ATP11B: variants seen among roughly 807,000 people sequenced by gnomAD.
ATP11B encodes ATPase phospholipid transporting 11B (putative), also known as phospholipid-transporting ATPase IF.
A neutral mutation model predicts 157.8 loss-of-function variants in ATP11B; 81 were observed. That is an observed-to-expected ratio of 0.51 (90% CI 0.43 to 0.62). The LOEUF is 0.62. Ranked by LOEUF, ATP11B falls within the 20% of genes least tolerant of loss-of-function variation. The pLI is 0.00. For synonymous variants in ATP11B, 451 were observed against 469.4 expected (o/e 0.96, Z 0.51); for missense variants, 1,165 against 1,402.2 (o/e 0.83, Z 2.70).
chr3:182,848,272 C>T (rs889704232), intron 9 of ATP11B, among the ~76,000 whole-genome samples: 2 of 152,194 alleles, frequency 1.3e-5, no homozygotes, highest in South Asian at 2.1e-4. Context: ...TCCATGCCCT[C>T]CCCCATTTAG....
intron 29 of ATP11B, 83 bp downstream of exon 29, chr3:182,914,077 T>C (rs1360744390): frequency 2.6e-6 from 4 of 1,566,384 alleles, no homozygotes; most frequent in Non-Finnish European, 3.5e-6. Flanking sequence ...AGATACCTAA[T>C]AAATCAGCAG....
chr3:182,848,399 A>G (rs1719705751), intron 9 of ATP11B, 77 bp from the exon 10 acceptor site: 1 of 862,334 alleles, frequency 1.2e-6, no homozygotes, highest in Non-Finnish European at 1.7e-6. Flanking sequence ...AAAAGCTTTC[A>G]TGCTGGTAAA....
chr3:182,845,417 A>T, intron 8 of ATP11B, 41 bp from the exon 9 acceptor site: 2 of 1,516,712 alleles, frequency 1.3e-6, no homozygotes, highest in Non-Finnish European at 1.8e-6. Context: ...AAGAGTTTTT[A>T]ATATATTCAG....
chr3:182,864,748 A>G (rs944966829), intron 12 of ATP11B, among the ~76,000 whole-genome samples: 3 of 152,022 alleles, frequency 2.0e-5, no homozygotes, highest in African/African-American at 7.2e-5. Flanking sequence ...TCAAGTCATT[A>G]TTGCAGTAAT....
At chr3:182,905,464 AC>A (rs1180186191) in intron 28 of ATP11B, among the ~76,000 whole-genome samples, 7 of 152,332 alleles carry the variant, frequency 4.6e-5, no homozygotes, top group African/African-American at 1.4e-4. Context: ...AATTGGACAT[AC>A]CTTTTCAATA....
At chr3:182,831,381 C>T (rs1718128042) in intron 4 of ATP11B, among the ~76,000 whole-genome samples, 1 of 152,138 alleles carries the variant, frequency 6.6e-6, no homozygotes, top group Non-Finnish European at 1.5e-5. Flanking sequence ...TCTCTCATTT[C>T]CGCTCTTACT....
chr3:182,866,475 A>G, intron 14 of ATP11B, 32 bp downstream of exon 14: 1 of 1,461,686 alleles, frequency 6.8e-7, no homozygotes, highest in Non-Finnish European at 9.2e-7. Flanking sequence ...ATCTTCGGAA[A>G]AACACCATTT....
intron 1 of ATP11B, among the ~76,000 whole-genome samples, chr3:182,802,073 A>G (rs1462241652): frequency 6.6e-6 from 1 of 152,230 alleles, no homozygotes; most frequent in Non-Finnish European, 1.5e-5. Context: ...TTTTTAAAAA[A>G]TGCATTTTAA....
At chr3:182,860,136 C>T (rs1560093534) in intron 12 of ATP11B, among the ~76,000 whole-genome samples, 1 of 152,140 alleles carries the variant, frequency 6.6e-6, no homozygotes. Flanking sequence ...TGTCTTCCTA[C>T]CTGTGGCTTA....
intron 1 of ATP11B, among the ~76,000 whole-genome samples, chr3:182,799,058 T>C (rs1404373455): frequency 1.3e-5 from 2 of 152,242 alleles, no homozygotes; most frequent in Admixed American, 6.5e-5. Flanking sequence ...CTAAGGACTT[T>C]ATGACTTTAC....
Position 182,873,982 on chromosome 3 carries a change from A to G in ATP11B, c.2219A>G (p.Glu740Gly). 6.2e-7 allele frequency: 1 copy of G among 1,614,092 alleles called. No homozygotes were observed. Residue 740 changes from glutamate (E) to glycine (G), a missense_variant, in exon 19 of 30, where the codon GAG becomes GGG. Around this residue, in one of 4 missense-constraint regions of ATP11B, gnomAD observed 737 missense variants for 930.5 expected, o/e 0.79. Coordinates refer to ENST00000323116, the MANE Select transcript of ATP11B (RefSeq NM_014616.3). ...CTTATAAACCAGAAATCAGACAGCG[A>G]GTGTGCTGAACAATTGAGGCAGCTT... ...LELINQKSDS[E>G]CAEQLRQLAR... is the part of the protein sequence containing the mutation.
Position 182,806,115 on chromosome 3 carries a change from GA to G in ATP11B, c.27+12331del, listed in dbSNP as rs1716314962. ...ATGTTTTTATTTCATAGTCACTATT[GA>G]ATGGGAATTTAGCTAGATACAGAAT... On this transcript the variant is annotated intron_variant, in intron 1 of 29. Transcript: ENST00000323116. Among the ~76,000 whole-genome samples, 6 of 152,216 alleles carry G rather than the reference GA, an allele frequency of 3.9e-5. No individual in the cohort carries two copies. In the South Asian group the frequency reaches 1.0e-3, roughly 26 times the overall value.
At chr3:182,886,747 A>G (rs141179323) in intron 23 of ATP11B, among the ~76,000 whole-genome samples, 1 of 152,272 alleles carries the variant, frequency 6.6e-6, no homozygotes, top group African/African-American at 2.4e-5. Flanking sequence ...ATACATCTCA[A>G]ATTGATCAAG....
intron 29 of ATP11B, chr3:182,914,404 G>A (rs1725009773): frequency 1.0e-6 from 1 of 985,570 alleles, no homozygotes; most frequent in African/African-American, 1.8e-5. Flanking sequence ...TAACAGTGAA[G>A]TCAAAGGCTT....
At chr3:182,884,639 G>C (rs551078366) in intron 21 of ATP11B, 114 bp from the exon 22 acceptor site, 1 of 1,023,668 alleles carries the variant, frequency 9.8e-7, no homozygotes, top group Non-Finnish European at 1.4e-6. Context: ...CTGTATATTA[G>C]GATTTAATGT....
chr3:182,836,995 A>G, intron 6 of ATP11B, 76 bp from the exon 7 acceptor site: 2 of 1,014,644 alleles, frequency 2.0e-6, no homozygotes, highest in Non-Finnish European at 3.1e-6. Context: ...TTACCTATAA[A>G]AGAGATTTGA....
At position 182,865,588 on chromosome 3, in the gene ATP11B, T is replaced by A; in HGVS notation, c.1333T>A (p.Ser445Thr). 1 of 1,613,868 alleles carries A rather than the reference T, an allele frequency of 6.2e-7. No individual in the cohort carries two copies. The highest frequency in any genetic ancestry group is 8.5e-7 in the Non-Finnish European group (1 of 1,179,854). ...RLVPEGPTPD[S>T]SEGNLSYLSS... Reference sequence around the variant, plus strand: ...TGTACCCGAAGGACCAACACCAGACTCTTCAGAAGGAAACTTATCTTATCT... The same window carrying A: ...TGTACCCGAAGGACCAACACCAGACACTTCAGAAGGAAACTTATCTTATCT... The change falls in exon 13 of 30, where the codon TCT becomes ACT. Residue 445 changes from serine (S) to threonine (T), a missense_variant. Transcript: ENST00000323116.
Position 182,829,762 on chromosome 3 carries a change from ACT to A in ATP11B, c.315+11_315+12del, listed in dbSNP as rs1717987344. On this transcript the variant is annotated intron_variant, in intron 4 of 29. Coordinates refer to ENST00000323116, the MANE Select transcript of ATP11B (RefSeq NM_014616.3). ...AACTGCCATAAAGCAGGTATGAAAT[ACT>A]TTCTTTTTTTAATTTTCCTCTAAGT... 6.3e-7 allele frequency: 1 copy of A among 1,575,920 alleles called. No homozygotes were observed. Among genetic ancestry groups the A allele is most frequent in the Admixed American group, 1.9e-5 (1 of 53,948 alleles).
At chr3:182,822,489 T>C (rs892193565) in intron 2 of ATP11B, among the ~76,000 whole-genome samples, 1 of 152,248 alleles carries the variant, frequency 6.6e-6, no homozygotes, top group Non-Finnish European at 1.5e-5. Context: ...GGTGTATATG[T>C]GCCACATTTT....
Sources: allele counts gnomAD v4.1 joint callset (sites outside exome capture counted in the v4.1 genomes callset), GRCh38; gene constraint gnomAD v4.1.1; regional missense constraint gnomAD v4.1.1; transcripts MANE v1.5; gene names NCBI Gene and HGNC (gene_info 2026-07-23, HGNC 2026-07-21).